The following ARNT2 variants were observed in gnomAD, a reference collection of about 807,000 sequenced individuals.
ARNT2 encodes the protein ARNT protein 2.
In ARNT2, 36 loss-of-function variants were observed where a neutral mutation model predicts 91.7. The observed-to-expected ratio is 0.39, with a 90% CI of 0.30 to 0.52. ARNT2 has a LOEUF of 0.52. Among genes scored for constraint, ARNT2 ranks in the 20% least tolerant of loss-of-function variants. The pLI is 0.72. For synonymous variants in ARNT2, 365 were observed against 347.1 expected (o/e 1.05, Z -0.57); for missense variants, 775 against 939.3 (o/e 0.83, Z 2.29).
chr15:80,482,840 A>G (rs777630837), intron 5 of ARNT2, among the ~76,000 whole-genome samples: 4 of 152,174 alleles, frequency 2.6e-5, no homozygotes, highest in African/African-American at 9.7e-5. Flanking sequence ...AGGCCCAGAG[A>G]TCTGTATTTT....
In ARNT2 at chr15:80,411,099, T is replaced by G. The variant is rs1373759227; in HGVS notation, c.31+6553T>G. ...TTTTCCTGTCCAATTCCTACTTTTCTTCTGGTCTCAGCTTGAATTCTTACT... is the reference window on the plus strand; with the variant it reads ...TTTTCCTGTCCAATTCCTACTTTTCGTCTGGTCTCAGCTTGAATTCTTACT... On this transcript the variant is annotated intron_variant, in intron 1 of 18. Coordinates refer to ENST00000303329, the MANE Select transcript of ARNT2 (RefSeq NM_014862.4). 2.0e-5 allele frequency among the ~76,000 whole-genome samples: 3 copies of G among 152,182 alleles called. No individual in the cohort carries two copies. In the East Asian group the frequency reaches 5.8e-4, roughly 29 times the overall value.
chr15:80,514,393 T>C lies in ARNT2; in HGVS notation c.865T>C (p.Trp289Arg). 1 of 1,614,198 alleles carries C rather than the reference T, an allele frequency of 6.2e-7. No homozygotes were observed. The highest frequency in any genetic ancestry group is 8.5e-7 in the Non-Finnish European group (1 of 1,180,008). ...VVHCTGYIKA[W>R]PPAGMTIPEE... ...CCACTGTACAGGATACATCAAGGCC[T>C]GGCCACCAGCAGGTAAGGAGACCTG... The change falls in exon 8 of 19, where the codon TGG becomes CGG. Residue 289 changes from tryptophan to arginine, a missense_variant. Trp to Arg is a moderately radical substitution (Grantham distance 101, BLOSUM62 -3). Coordinates refer to ENST00000303329, the MANE Select transcript of ARNT2 (RefSeq NM_014862.4).
At chr15:80,546,067 T>C (rs1264236356) in intron 8 of ARNT2, among the ~76,000 whole-genome samples, 1 of 152,204 alleles carries the variant, frequency 6.6e-6, no homozygotes, top group East Asian at 1.9e-4. Context: ...CTGCTTCTAA[T>C]AGAGATTAGA....
intron 17 of ARNT2, among the ~76,000 whole-genome samples, chr15:80,586,576 T>C (rs1893175643): frequency 6.6e-6 from 1 of 152,146 alleles, no homozygotes; most frequent in Non-Finnish European, 1.5e-5. Context: ...AAAGAATTTG[T>C]TATTCCAGGC....
chr15:80,504,823 G>C (rs951618368), intron 5 of ARNT2, among the ~76,000 whole-genome samples: 7 of 152,142 alleles, frequency 4.6e-5, no homozygotes, highest in Non-Finnish European at 8.8e-5. Flanking sequence ...CTCAGGGAGG[G>C]GAAGTGGCTG....
At chr15:80,435,236 G>A (rs1896069164) in intron 1 of ARNT2, among the ~76,000 whole-genome samples, 1 of 152,154 alleles carries the variant, frequency 6.6e-6, no homozygotes. Context: ...TCCTCCATAG[G>A]TGCCAGCTCT....
chr15:80,492,240 G>A (rs1897067579), intron 5 of ARNT2, among the ~76,000 whole-genome samples: 1 of 152,216 alleles, frequency 6.6e-6, no homozygotes. Context: ...AAGGTCTGGT[G>A]TTGCCCAGGC....
intron 9 of ARNT2, among the ~76,000 whole-genome samples, chr15:80,552,210 A>C (rs753980910): frequency 2.6e-5 from 4 of 152,228 alleles, no homozygotes; most frequent in Non-Finnish European, 5.9e-5. Context: ...TATTTGGGTA[A>C]ATTCAGTTCA....
intron 5 of ARNT2, among the ~76,000 whole-genome samples, chr15:80,500,316 C>T (rs1399114904): frequency 2.0e-5 from 3 of 152,304 alleles, no homozygotes; most frequent in Admixed American, 6.5e-5. Flanking sequence ...ATTTTTGGAA[C>T]CACATCAAAT....
chr15:80,577,843 C>T (rs1266771960), intron 15 of ARNT2, among the ~76,000 whole-genome samples: 1 of 152,240 alleles, frequency 6.6e-6, no homozygotes, highest in African/African-American at 2.4e-5. Flanking sequence ...GGGGCTCTGG[C>T]CACGCCTGCA....
chr15:80,514,201 A>G, intron 7 of ARNT2, 119 bp from the exon 8 acceptor site: 1 of 1,124,876 alleles, frequency 8.9e-7, no homozygotes, highest in South Asian at 1.3e-5. Flanking sequence ...GTGAGGAGTC[A>G]AGATTCAAAA....
intron 5 of ARNT2, among the ~76,000 whole-genome samples, chr15:80,507,506 C>G (rs911012980): frequency 1.3e-5 from 2 of 152,022 alleles, no homozygotes; most frequent in African/African-American, 4.8e-5. Context: ...TGGTCAGCTG[C>G]TGATGGTGTG....
In ARNT2 at chr15:80,580,528, T is replaced by C; in HGVS notation, c.1731T>C (p.Ser577=). The C allele has an allele frequency of 6.2e-7, 1 of 1,613,448 alleles. No individual in the cohort carries two copies. Among genetic ancestry groups the C allele is most frequent in the Non-Finnish European group, 8.5e-7 (1 of 1,179,898 alleles). The change falls in exon 16 of 19, where the codon AGT becomes AGC. Residue 577 remains serine (S), a synonymous_variant. Coordinates refer to ENST00000303329, the MANE Select transcript of ARNT2 (RefSeq NM_014862.4). ...AGAGTCAGGTGGCATGGACAGGGAG[T>C]CGTCCGCCCTTTCCGGGACAGGTAT... is the stretch of plus-strand genomic sequence containing the variant. The part of the protein sequence containing the change: ...LNQSQVAWTG[S]RPPFPGQQIP...
At chr15:80,586,148 A>G (rs1898893168) in intron 17 of ARNT2, among the ~76,000 whole-genome samples, 2 of 152,110 alleles carry the variant, frequency 1.3e-5, no homozygotes, top group African/African-American at 4.8e-5. Context: ...CAGGGAGCCA[A>G]GTGCACAGGT....
At chr15:80,456,246 TTAG>T (rs1409212843) in intron 2 of ARNT2, among the ~76,000 whole-genome samples, 2 of 150,900 alleles carry the variant, frequency 1.3e-5, no homozygotes, top group African/African-American at 2.4e-5. Flanking sequence ...TCTGTCTCTC[TTAG>T]TGGTGTCTGT....
intron 1 of ARNT2, among the ~76,000 whole-genome samples, chr15:80,429,145 T>C (rs1273319903): frequency 6.6e-6 from 1 of 152,206 alleles, no homozygotes; most frequent in Admixed American, 6.5e-5. Flanking sequence ...AAACAGCTCC[T>C]AAAACCCTTG....
intron 5 of ARNT2, among the ~76,000 whole-genome samples, chr15:80,481,394 G>T (rs1026585457): frequency 6.6e-6 from 1 of 152,186 alleles, no homozygotes; most frequent in African/African-American, 2.4e-5. Context: ...GACACTCGGT[G>T]CATGTTGCAT....
intron 14 of ARNT2, among the ~76,000 whole-genome samples, chr15:80,576,321 G>A (rs1215934367): frequency 6.6e-6 from 1 of 151,930 alleles, no homozygotes; most frequent in Non-Finnish European, 1.5e-5. Flanking sequence ...CTGTCGCCCA[G>A]GCTGGAGTGC....
intron 1 of ARNT2, among the ~76,000 whole-genome samples, chr15:80,412,576 T>C (rs532715493): frequency 2.6e-5 from 4 of 152,208 alleles, no homozygotes; most frequent in Non-Finnish European, 5.9e-5. Flanking sequence ...TTTCCCTTCA[T>C]TAATGGTATA....
Sources: allele counts gnomAD v4.1 joint callset (sites outside exome capture counted in the v4.1 genomes callset), GRCh38; gene constraint gnomAD v4.1.1; transcripts MANE v1.5; gene names NCBI Gene and HGNC (gene_info 2026-07-23, HGNC 2026-07-21).